Variants in CPNE4 observed in about 807,000 individuals in gnomAD.
CPNE4 encodes the protein copine 4, also known as copine-4.
A neutral mutation model predicts 67.9 loss-of-function variants in CPNE4; 25 were observed. That is an observed-to-expected ratio of 0.37 (90% confidence interval 0.27 to 0.51). The LOEUF is 0.51. CPNE4 is among the 20% of genes least tolerant of loss of function. CPNE4 has a pLI of 0.93. For synonymous variants in CPNE4, 242 were observed against 244.9 expected, an observed-to-expected ratio of 0.99 and a Z score of 0.11; for missense variants, 464 against 690.8, an observed-to-expected ratio of 0.67 and a Z score of 3.68.
At chr3:131,876,576 A>G (rs546927519) in intron 2 of CPNE4, among the ~76,000 whole-genome samples, 9 of 145,908 alleles carry the variant, frequency 6.2e-5, no homozygotes, top group African/African-American at 2.3e-4. Flanking sequence ...CGGGAGGCGG[A>G]GCTTGCAGTG....
At chr3:131,694,838 T>C (rs1218528058) in intron 5 of CPNE4, among the ~76,000 whole-genome samples, 1 of 152,166 alleles carries the variant, frequency 6.6e-6, no homozygotes, top group Non-Finnish European at 1.5e-5. Flanking sequence ...TGCATCAACA[T>C]CATAGACAGC....
At chr3:131,561,570 T>C (rs1936767150) in intron 11 of CPNE4, among the ~76,000 whole-genome samples, 4 of 152,004 alleles carry the variant, frequency 2.6e-5, no homozygotes, top group South Asian at 4.1e-4. Context: ...TTCTACCTCA[T>C]GGATCACCTC....
chr3:131,972,423 C>T (rs564127588), intron 1 of CPNE4, among the ~76,000 whole-genome samples: 5 of 152,250 alleles, frequency 3.3e-5, no homozygotes, highest in Admixed American at 3.3e-4. Context: ...AATGCCAATC[C>T]CCAGTGATCT....
intron 2 of CPNE4, among the ~76,000 whole-genome samples, chr3:131,876,280 A>AAATC (rs753639461): frequency 1.3e-5 from 2 of 151,216 alleles, no homozygotes; most frequent in Non-Finnish European, 2.9e-5. Context: ...ATAAATAAAT[A>AAATC]AATACGAATA....
intron 1 of CPNE4, among the ~76,000 whole-genome samples, chr3:131,959,094 G>A (rs1168148894): frequency 2.4e-5 from 1 of 41,330 alleles, no homozygotes; most frequent in Non-Finnish European, 4.1e-5. Context: ...TCCGCCTCCC[G>A]GGTTCACGCC....
chr3:132,027,346 G>T (rs2074134533), intron 1 of CPNE4, among the ~76,000 whole-genome samples: 1 of 152,172 alleles, frequency 6.6e-6, no homozygotes, highest in South Asian at 2.1e-4. Flanking sequence ...TGGAAAATGG[G>T]AGGGGTGTGC....
chr3:131,930,446 TA>T (rs955767689), intron 1 of CPNE4, among the ~76,000 whole-genome samples: 1 of 119,086 alleles, frequency 8.4e-6, no homozygotes, highest in Non-Finnish European at 1.7e-5. Flanking sequence ...ATTTCCAATT[TA>T]AAAAAAACAA....
chr3:131,777,311 G>T lies in CPNE4; in HGVS notation c.181-53686C>A. Among the ~76,000 whole-genome samples the T allele has an allele frequency of 2.0e-5, 3 of 151,912 alleles. No homozygotes were observed. The Middle Eastern group carries it at 0.01, about 524-fold the overall frequency. ...TAACTGTATAAATGCAGACAGAAAG[G>T]GATGTGAGATATGTTCAGCTTTGAA... On this transcript the variant is annotated intron_variant, in intron 2 of 15. Coordinates refer to ENST00000429747, the MANE Select transcript of CPNE4 (RefSeq NM_130808.3).
chr3:131,656,304 G>C (rs62283180), intron 7 of CPNE4, among the ~76,000 whole-genome samples: 2,812 of 152,296 alleles, frequency 0.018, 43 homozygotes, highest in Non-Finnish European at 0.026. Context: ...CTTCCATGAT[G>C]AATGTAGACT....
At chr3:131,700,053 C>CTTT in intron 3 of CPNE4, 73 bp from the exon 4 acceptor site, 1 of 345,120 alleles carries the variant, frequency 2.9e-6, no homozygotes, top group Non-Finnish European at 4.7e-6. Flanking sequence ...ATTTTTTAAA[C>CTTT]CTTTTTTTTT....
chr3:131,575,204 T>C, intron 9 of CPNE4, 74 bp from the exon 10 acceptor site: 3 of 1,291,138 alleles, frequency 2.3e-6, no homozygotes, highest in Non-Finnish European at 3.4e-6. Flanking sequence ...GGCCTAAAGG[T>C]TGGTGACTGA....
At chr3:131,774,046 T>C (rs1250213867) in intron 2 of CPNE4, among the ~76,000 whole-genome samples, 1 of 152,142 alleles carries the variant, frequency 6.6e-6, no homozygotes, top group Non-Finnish European at 1.5e-5. Context: ...ATTTTGAGAC[T>C]ATTTCATTAA....
intron 9 of CPNE4, among the ~76,000 whole-genome samples, chr3:131,579,160 C>A (rs920488396): frequency 6.6e-6 from 1 of 152,184 alleles, no homozygotes; most frequent in Non-Finnish European, 1.5e-5. Flanking sequence ...TGTTCATTTA[C>A]CATTTCAAAA....
intron 2 of CPNE4, among the ~76,000 whole-genome samples, chr3:131,769,100 C>A (rs2083098789): frequency 6.6e-6 from 1 of 152,174 alleles, no homozygotes; most frequent in African/African-American, 2.4e-5. Flanking sequence ...ATTGCCCATG[C>A]AGTTTTCCCT....
intron 7 of CPNE4, among the ~76,000 whole-genome samples, chr3:131,616,980 C>T (rs1582898712): frequency 6.6e-6 from 1 of 152,164 alleles, no homozygotes; most frequent in Non-Finnish European, 1.5e-5. Flanking sequence ...ACAAGCACAG[C>T]TGTAACATAG....
At chr3:131,649,740 G>T (rs959302744) in intron 7 of CPNE4, among the ~76,000 whole-genome samples, 4 of 152,174 alleles carry the variant, frequency 2.6e-5, no homozygotes, top group Non-Finnish European at 5.9e-5. Context: ...AGTGCATAAG[G>T]TATGCAAAAC....
chr3:131,933,444 C>T (rs370701788), intron 1 of CPNE4, among the ~76,000 whole-genome samples: 7 of 152,052 alleles, frequency 4.6e-5, no homozygotes, highest in South Asian at 2.1e-4. Flanking sequence ...TAAATTAGAA[C>T]GACCATTATG....
intron 6 of CPNE4, among the ~76,000 whole-genome samples, chr3:131,684,604 A>G (rs2080840871): frequency 6.6e-6 from 1 of 152,212 alleles, no homozygotes; most frequent in Non-Finnish European, 1.5e-5. Context: ...TCACTTCAGG[A>G]AATTGAATTT....
intron 1 of CPNE4, among the ~76,000 whole-genome samples, chr3:131,991,479 T>C (rs1387531708): frequency 7.4e-6 from 1 of 135,896 alleles, no homozygotes; most frequent in African/African-American, 2.5e-5. Context: ...CTGGCAGCAT[T>C]TGCCTTGCCC....
Sources: gnomAD v4.1 joint callset for allele counts (sites outside exome capture counted in the v4.1 genomes callset) on GRCh38, gnomAD v4.1.1 for gene constraint, MANE v1.5 for transcripts, NCBI Gene and HGNC (gene_info 2026-07-23, HGNC 2026-07-21) for gene names.